The following ZNF804A variants were observed in gnomAD, a reference collection of about 807,000 sequenced individuals.
ZNF804A encodes zinc finger protein 804A.
ZNF804A carries 2 observed loss-of-function variants against 16.5 expected under a neutral mutation model. That is an observed-to-expected ratio of 0.12 (90% CI 0.05 to 0.38). The LOEUF (loss-of-function observed/expected upper bound fraction) is 0.38. Among genes scored for constraint, ZNF804A ranks in the 10% least tolerant of loss-of-function variants. The pLI is 0.99. For synonymous variants in ZNF804A, 534 were observed against 489.6 expected (o/e 1.09, Z -1.20); for missense variants, 1,473 against 1,390.7 (o/e 1.06, Z -0.94).
At chr2:184,873,029 T>A (rs1299474143) in intron 2 of ZNF804A, among the ~76,000 whole-genome samples, 2 of 152,192 alleles carry the variant, frequency 1.3e-5, no homozygotes, top group African/African-American at 4.8e-5. Context: ...TGATGATTGA[T>A]TATCCTTATT....
At chr2:184,722,706 T>A (rs1204474567) in intron 1 of ZNF804A, among the ~76,000 whole-genome samples, 2 of 152,016 alleles carry the variant, frequency 1.3e-5, no homozygotes, top group African/African-American at 4.8e-5. Context: ...AACTTTGATG[T>A]TACAATGACT....
chr2:184,806,245 C>T (rs1403356811), intron 1 of ZNF804A, among the ~76,000 whole-genome samples: 1 of 151,954 alleles, frequency 6.6e-6, no homozygotes, highest in Non-Finnish European at 1.5e-5. Context: ...GTAACTTCTG[C>T]TGGCAAAAAT....
chr2:184,610,433 A>G (rs371155607), intron 1 of ZNF804A, among the ~76,000 whole-genome samples: 3 of 152,156 alleles, frequency 2.0e-5, no homozygotes, highest in African/African-American at 7.2e-5. Flanking sequence ...AGGATGTTTG[A>G]AGTCAATAAG....
intron 2 of ZNF804A, among the ~76,000 whole-genome samples, chr2:184,869,414 A>G (rs1695937237): frequency 6.6e-6 from 1 of 151,974 alleles, no homozygotes; most frequent in African/African-American, 2.4e-5. Flanking sequence ...AGTGAATAGA[A>G]AAAGGGAGGA....
rs1266610975 is a variant in ZNF804A, at chr2:184,598,841, G to A, written c.-119G>A. 7.8e-6 allele frequency: 4 copies of A among 513,556 alleles called. No homozygotes were observed. The highest frequency in any genetic ancestry group is 6.5e-6 in the Non-Finnish European group (2 of 307,452). 31.8% of individuals were successfully genotyped at this position (513,556 alleles called of 1,614,324 possible). The stretch of plus-strand genomic sequence containing the variant: ...CCAGTCTCCAGAGGACGTGCCGGGG[G>A]TGGCTGCGTGCCCTCGTGGCGGGTT... On this transcript the variant is annotated 5_prime_UTR_variant, in exon 1 of 4. It adds an upstream start codon to the 5' untranslated region. Coordinates refer to ENST00000302277, the MANE Select transcript of ZNF804A (RefSeq NM_194250.2).
At chr2:184,718,977 C>G (rs563296645) in intron 1 of ZNF804A, among the ~76,000 whole-genome samples, 2 of 152,278 alleles carry the variant, frequency 1.3e-5, no homozygotes, top group East Asian at 3.9e-4. Context: ...GCCCTTCCCC[C>G]ACACTGCCCT....
At chr2:184,876,892 A>G (rs1261251966) in intron 2 of ZNF804A, among the ~76,000 whole-genome samples, 1 of 152,138 alleles carries the variant, frequency 6.6e-6, no homozygotes, top group Non-Finnish European at 1.5e-5. Context: ...ACCAAAAGAA[A>G]AAAGAATGCA....
chr2:184,800,904 T>G (rs1323513953), intron 1 of ZNF804A, among the ~76,000 whole-genome samples: 1 of 152,100 alleles, frequency 6.6e-6, no homozygotes, highest in Non-Finnish European at 1.5e-5. Flanking sequence ...ATATTTATTC[T>G]TTATTAGATG....
chr2:184,765,317 C>T (rs1195148166), intron 1 of ZNF804A, among the ~76,000 whole-genome samples: 1 of 152,020 alleles, frequency 6.6e-6, no homozygotes, highest in African/African-American at 2.4e-5. Flanking sequence ...GGAGAGCACC[C>T]CTCCTGTCGT....
chr2:184,682,969 C>A (rs1265012477), intron 1 of ZNF804A, among the ~76,000 whole-genome samples: 2 of 152,140 alleles, frequency 1.3e-5, no homozygotes, highest in African/African-American at 4.8e-5. Context: ...GATTGTGCCT[C>A]CGCACTCCAT....
At chr2:184,612,080 A>C (rs866716506) in intron 1 of ZNF804A, among the ~76,000 whole-genome samples, 1 of 152,200 alleles carries the variant, frequency 6.6e-6, no homozygotes, top group Non-Finnish European at 1.5e-5. Context: ...ATAGCTAATT[A>C]ATCATTAAAT....
At chr2:184,635,301 G>A (rs1161610825) in intron 1 of ZNF804A, among the ~76,000 whole-genome samples, 1 of 152,072 alleles carries the variant, frequency 6.6e-6, no homozygotes, top group Non-Finnish European at 1.5e-5. Flanking sequence ...TTAGCAATAA[G>A]TCAAACCAGA....
At chr2:184,807,950 T>C (rs1694837388) in intron 1 of ZNF804A, among the ~76,000 whole-genome samples, 2 of 151,702 alleles carry the variant, frequency 1.3e-5, no homozygotes, top group Admixed American at 1.3e-4. Flanking sequence ...ATTATTTGGT[T>C]CTGAACCGTA....
chr2:184,775,164 C>T (rs771685202), intron 1 of ZNF804A, among the ~76,000 whole-genome samples: 1 of 151,576 alleles, frequency 6.6e-6, no homozygotes, highest in African/African-American at 2.4e-5. Flanking sequence ...CCTCAATAGT[C>T]TTTAAAATTA....
At chr2:184,928,481 G>A (rs754525054) in intron 2 of ZNF804A, among the ~76,000 whole-genome samples, 30 of 152,152 alleles carry the variant, frequency 2.0e-4, no homozygotes, top group Non-Finnish European at 3.4e-4. Context: ...AGGGGAGGGG[G>A]AGGAGTGGCA....
intron 2 of ZNF804A, among the ~76,000 whole-genome samples, chr2:184,925,720 T>G (rs1304880638): frequency 6.6e-6 from 1 of 151,958 alleles, no homozygotes. Flanking sequence ...TGTATATTTT[T>G]AAATTTGAGG....
At chr2:184,832,625 T>A (rs1695280690) in intron 1 of ZNF804A, among the ~76,000 whole-genome samples, 1 of 152,012 alleles carries the variant, frequency 6.6e-6, no homozygotes, top group East Asian at 1.9e-4. Flanking sequence ...TTATGAAAGA[T>A]CTTCTCTTAT....
At chr2:184,611,746 T>G (rs1691242927) in intron 1 of ZNF804A, among the ~76,000 whole-genome samples, 1 of 152,164 alleles carries the variant, frequency 6.6e-6, no homozygotes, top group South Asian at 2.1e-4. Flanking sequence ...TCAAATATAC[T>G]TAGGACAATT....
chr2:184,788,170 G>A (rs1291370562), intron 1 of ZNF804A, among the ~76,000 whole-genome samples: 1 of 151,614 alleles, frequency 6.6e-6, no homozygotes, highest in Non-Finnish European at 1.5e-5. Flanking sequence ...TTTATTTCTG[G>A]GTTATCTATT....
Sources: allele counts gnomAD v4.1 joint callset (sites outside exome capture counted in the v4.1 genomes callset), GRCh38; gene constraint gnomAD v4.1.1; transcripts MANE v1.5; gene names NCBI Gene and HGNC (gene_info 2026-07-23, HGNC 2026-07-21).